Variants in MARCHF1 observed in about 807,000 individuals in gnomAD.
MARCHF1 encodes membrane associated ring-CH-type finger 1, also known as E3 ubiquitin-protein ligase MARCHF1.
MARCHF1 carries 40 observed loss-of-function variants against 54.2 expected under a neutral mutation model. The observed-to-expected ratio is 0.74, with a 90% CI of 0.57 to 0.96. The LOEUF (loss-of-function observed/expected upper bound fraction) is 0.96. Ranked by LOEUF, MARCHF1 falls within the 40% of genes least tolerant of loss-of-function variation. MARCHF1 has a pLI of 0.00. For synonymous variants in MARCHF1, 236 were observed against 236.3 expected (o/e 1.00, Z 0.01); for missense variants, 586 against 656.5 (o/e 0.89, Z 1.17).
chr4:164,008,656 A>G (rs1395089897), intron 2 of MARCHF1, among the ~76,000 whole-genome samples: 1 of 152,146 alleles, frequency 6.6e-6, no homozygotes, highest in African/African-American at 2.4e-5. Flanking sequence ...ACAATGGAAT[A>G]AAACTAGAAA....
At chr4:163,646,827 A>C (rs1742777927) in intron 5 of MARCHF1, among the ~76,000 whole-genome samples, 1 of 152,126 alleles carries the variant, frequency 6.6e-6, no homozygotes, top group Non-Finnish European at 1.5e-5. Flanking sequence ...ACAAAGGAAG[A>C]TAGCAAGAGA....
chr4:163,612,337 A>T lies in MARCHF1; in HGVS notation c.944T>A (p.Val315Glu). ...AGGAGGCTTCTGAACAGGGTTATTC[A>T]CCTGGAGCCCTGCATCATTCATGTC... ...SKDMNDAGLQ[V>E]NNPVQKPPAT... Residue 315 changes from valine to glutamate, a missense_variant, in exon 7 of 10, where the codon GTG becomes GAG. Physicochemically the swap from Val to Glu is moderately radical, Grantham distance 121. This residue lies in a region of MARCHF1 where 387 missense variants were observed against 394.6 expected (regional missense o/e 0.98). Transcript: ENST00000514618. 6.5e-7 allele frequency: 1 copy of T among 1,534,496 alleles called. No individual in the cohort carries two copies. The highest frequency in any genetic ancestry group is 8.7e-7 in the Non-Finnish European group (1 of 1,146,154).
chr4:164,218,652 G>C (rs1010825342), intron 1 of MARCHF1, among the ~76,000 whole-genome samples: 1 of 141,642 alleles, frequency 7.1e-6, no homozygotes, highest in South Asian at 2.3e-4. Flanking sequence ...TTGAACAATG[G>C]AAACACATGG....
intron 1 of MARCHF1, among the ~76,000 whole-genome samples, chr4:164,266,991 G>A (rs1733626488): frequency 6.6e-6 from 1 of 152,170 alleles, no homozygotes; most frequent in Non-Finnish European, 1.5e-5. Flanking sequence ...AGAGTGTGGG[G>A]TGACATGATG....
At chr4:164,306,594 T>C (rs1166441307) in intron 1 of MARCHF1, among the ~76,000 whole-genome samples, 2 of 152,194 alleles carry the variant, frequency 1.3e-5, no homozygotes, top group Non-Finnish European at 2.9e-5. Context: ...TCCTTGATCT[T>C]AGATCATAAT....
chr4:163,632,701 G>C (rs1423520812), intron 5 of MARCHF1, among the ~76,000 whole-genome samples: 1 of 152,244 alleles, frequency 6.6e-6, no homozygotes, highest in Non-Finnish European at 1.5e-5. Flanking sequence ...GGCTTGCTTA[G>C]GTAAACAAAG....
At chr4:163,599,002 T>A (rs1013178070) in intron 7 of MARCHF1, among the ~76,000 whole-genome samples, 1 of 152,126 alleles carries the variant, frequency 6.6e-6, no homozygotes, top group Non-Finnish European at 1.5e-5. Context: ...ATTTAAAAAA[T>A]TTTTGGCTGG....
intron 4 of MARCHF1, among the ~76,000 whole-genome samples, chr4:163,779,043 C>T (rs545664687): frequency 6.6e-6 from 1 of 152,264 alleles, no homozygotes; most frequent in African/African-American, 2.4e-5. Context: ...TTCTCATCTC[C>T]TCTTTTCAAA....
At chr4:164,034,602 C>T (rs959433473) in intron 2 of MARCHF1, among the ~76,000 whole-genome samples, 1 of 151,412 alleles carries the variant, frequency 6.6e-6, no homozygotes, top group African/African-American at 2.4e-5. Context: ...AAAAGATAAG[C>T]AAATAATATA....
intron 4 of MARCHF1, among the ~76,000 whole-genome samples, chr4:163,726,790 A>T (rs1247597610): frequency 6.6e-6 from 1 of 152,226 alleles, no homozygotes; most frequent in East Asian, 1.9e-4. Flanking sequence ...GGTTTTGTCC[A>T]TTCTAACAGA....
intron 2 of MARCHF1, among the ~76,000 whole-genome samples, chr4:164,030,941 G>T (rs886532678): frequency 6.6e-6 from 1 of 152,098 alleles, no homozygotes; most frequent in Non-Finnish European, 1.5e-5. Flanking sequence ...TGTATCCTGA[G>T]ACTGCTGAAG....
intron 4 of MARCHF1, among the ~76,000 whole-genome samples, chr4:163,842,580 G>T (rs1034546686): frequency 1.3e-5 from 2 of 152,094 alleles, no homozygotes; most frequent in East Asian, 3.9e-4. Flanking sequence ...ATTACTTGCC[G>T]TTTTCCTCTA....
At chr4:164,263,565 T>C (rs566049823) in intron 1 of MARCHF1, among the ~76,000 whole-genome samples, 10 of 152,150 alleles carry the variant, frequency 6.6e-5, no homozygotes, top group Admixed American at 1.3e-4. Context: ...TCCACCCTTA[T>C]GCTTTTTAAA....
chr4:164,307,181 AG>A (rs538819363), intron 1 of MARCHF1, among the ~76,000 whole-genome samples: 94 of 152,178 alleles, frequency 6.2e-4, no homozygotes, highest in Non-Finnish European at 1.2e-3. Flanking sequence ...TTCTGTACAA[AG>A]GACAGGACCC....
At chr4:163,964,810 C>T (rs1219715937) in intron 3 of MARCHF1, among the ~76,000 whole-genome samples, 2 of 151,898 alleles carry the variant, frequency 1.3e-5, no homozygotes, top group Non-Finnish European at 2.9e-5. Context: ...TTTTCCACTG[C>T]CTCAATTCAG....
At chr4:163,564,458 C>G (rs1169104053) in intron 8 of MARCHF1, among the ~76,000 whole-genome samples, 3 of 152,144 alleles carry the variant, frequency 2.0e-5, no homozygotes, top group Non-Finnish European at 4.4e-5. Context: ...TGCTCTGAAC[C>G]ATTAAGACCC....
chr4:164,264,432 G>A (rs1560979865), intron 1 of MARCHF1, among the ~76,000 whole-genome samples: 1 of 151,472 alleles, frequency 6.6e-6, no homozygotes, highest in African/African-American at 2.4e-5. Flanking sequence ...GTAACCCCCT[G>A]TGACAGCAGT....
chr4:164,045,319 C>T (rs532039578), intron 2 of MARCHF1, among the ~76,000 whole-genome samples: 1 of 151,834 alleles, frequency 6.6e-6, no homozygotes, highest in African/African-American at 2.4e-5. Context: ...TGAGATCAGC[C>T]TGGCCAAAAT....
intron 1 of MARCHF1, among the ~76,000 whole-genome samples, chr4:164,300,976 G>C (rs534764617): frequency 2.6e-5 from 4 of 151,316 alleles, no homozygotes; most frequent in Non-Finnish European, 5.9e-5. Context: ...GGGAAGAGAC[G>C]AAAATGCTGA....
Sources: gnomAD v4.1 joint callset for allele counts (sites outside exome capture counted in the v4.1 genomes callset) on GRCh38, gnomAD v4.1.1 for gene constraint, gnomAD v4.1.1 regional missense constraint, MANE v1.5 for transcripts, NCBI Gene and HGNC (gene_info 2026-07-23, HGNC 2026-07-21) for gene names.